The following ARMC8 variants were observed in gnomAD, a reference collection of about 807,000 sequenced individuals.
ARMC8 encodes the protein armadillo repeat-containing protein 8.
Under a neutral mutation model 99.3 loss-of-function variants are expected in ARMC8, and 20 were observed. The observed-to-expected ratio is 0.20, with a 90% CI of 0.14 to 0.29. The LOEUF (loss-of-function observed/expected upper bound fraction) is 0.29, where lower values mean the gene tolerates loss of function less well. Ranked by LOEUF, ARMC8 falls within the 10% of genes least tolerant of loss-of-function variation. The pLI, the probability that ARMC8 is intolerant of heterozygous loss-of-function variation, is 1.00. For missense variants in ARMC8, 569 were observed against 809.5 expected (o/e 0.70, Z 3.60); for synonymous variants, 263 against 278.3 (o/e 0.95, Z 0.55).
intron 16 of ARMC8, among the ~76,000 whole-genome samples, chr3:138,270,926 G>A (rs1412045128): frequency 1.3e-5 from 2 of 152,184 alleles, no homozygotes; most frequent in Non-Finnish European, 2.9e-5. Flanking sequence ...CAGACACTAA[G>A]CTGGGCGTTT....
Position 138,241,992 on chromosome 3 carries a change from T to C in ARMC8, c.1038+9T>C, listed in dbSNP as rs1239301365. On this transcript the variant is annotated intron_variant, in intron 11 of 21. Transcript: ENST00000469044. ...TCACTGATATTAAAAGGGTATGTTA[T>C]TTTCCTTTTTTAGCAGCTCAAGGGA... The C allele has an allele frequency of 6.2e-7, 1 of 1,611,874 alleles. No individual in the cohort carries two copies. The highest frequency in any genetic ancestry group is 1.7e-5 in the Admixed American group (1 of 60,020).
chr3:138,194,986 A>G (rs890572087), intron 1 of ARMC8, among the ~76,000 whole-genome samples: 4 of 152,102 alleles, frequency 2.6e-5, no homozygotes, highest in African/African-American at 9.7e-5. Context: ...TAAATTCATC[A>G]GTAAATCGCC....
At chr3:138,188,662 C>G (rs2043209449) in intron 1 of ARMC8, 2 of 1,212,566 alleles carry the variant, frequency 1.6e-6, no homozygotes, top group Non-Finnish European at 1.2e-6. Context: ...TGTCGGGTTC[C>G]TAGAGTCTTG....
chr3:138,282,558 A>T (rs1052727581), intron 18 of ARMC8, among the ~76,000 whole-genome samples: 39 of 147,656 alleles, frequency 2.6e-4, no homozygotes, highest in East Asian at 2.2e-3. Context: ...GGCAGGGAGC[A>T]TTGCTTGAAC....
chr3:138,191,680 C>T (rs1332932813), intron 1 of ARMC8, among the ~76,000 whole-genome samples: 1 of 152,208 alleles, frequency 6.6e-6, no homozygotes. Flanking sequence ...GTATCCCTAA[C>T]CCCTGGCAAC....
At chr3:138,238,764 G>A (rs879760762) in intron 9 of ARMC8, 1 of 152,132 alleles carries the variant, frequency 6.6e-6, no homozygotes, top group Admixed American at 6.5e-5. Flanking sequence ...TTCGGTAGAA[G>A]CCAACGTGAG....
At chr3:138,192,491 A>G (rs2043451647) in intron 1 of ARMC8, among the ~76,000 whole-genome samples, 2 of 151,942 alleles carry the variant, frequency 1.3e-5, no homozygotes, top group Admixed American at 6.6e-5. Flanking sequence ...GTTAGCCAGG[A>G]TAGTCTCAAT....
At chr3:138,273,755 A>G (rs1017877108) in intron 17 of ARMC8, among the ~76,000 whole-genome samples, 1 of 151,696 alleles carries the variant, frequency 6.6e-6, no homozygotes, top group Admixed American at 6.6e-5. Flanking sequence ...GTATTAGGAA[A>G]TCTACACTGT....
chr3:138,215,971 C>T (rs2045010516), intron 2 of ARMC8, among the ~76,000 whole-genome samples: 1 of 151,766 alleles, frequency 6.6e-6, no homozygotes, highest in Non-Finnish European at 1.5e-5. Flanking sequence ...AGCAATTCTC[C>T]TGCCTCAGCC....
chr3:138,293,268 G>A (rs764996383), intron 21 of ARMC8, among the ~76,000 whole-genome samples: 3 of 152,196 alleles, frequency 2.0e-5, no homozygotes, highest in South Asian at 2.1e-4. Context: ...TAGGCTGGGC[G>A]CGGTGGCTCA....
At chr3:138,191,515 T>C (rs2043381364) in intron 1 of ARMC8, among the ~76,000 whole-genome samples, 1 of 152,182 alleles carries the variant, frequency 6.6e-6, no homozygotes, top group Admixed American at 6.5e-5. Flanking sequence ...TTGATCTTGG[T>C]ATAAGTATGT....
intron 12 of ARMC8, among the ~76,000 whole-genome samples, chr3:138,253,558 T>TA (rs1423873859): frequency 6.6e-6 from 1 of 152,166 alleles, no homozygotes; most frequent in Non-Finnish European, 1.5e-5. Context: ...ATGATTAGCC[T>TA]AAAAAAATAC....
At chr3:138,192,611 C>T (rs1241574171) in intron 1 of ARMC8, among the ~76,000 whole-genome samples, 1 of 151,872 alleles carries the variant, frequency 6.6e-6, no homozygotes, top group Non-Finnish European at 1.5e-5. Flanking sequence ...AGTGCTATGG[C>T]GTGATCTCAG....
intron 2 of ARMC8, among the ~76,000 whole-genome samples, chr3:138,218,860 C>G (rs1315284029): frequency 1.3e-5 from 2 of 152,076 alleles, no homozygotes; most frequent in Non-Finnish European, 2.9e-5. Context: ...AGATGACATT[C>G]TTTTGGTCTA....
intron 14 of ARMC8, among the ~76,000 whole-genome samples, chr3:138,264,513 C>T (rs542052905): frequency 2.0e-4 from 30 of 148,638 alleles, no homozygotes; most frequent in African/African-American, 5.2e-4. Context: ...TCCACCTCCC[C>T]GGTTCAAGCG....
intron 14 of ARMC8, among the ~76,000 whole-genome samples, chr3:138,265,339 CCT>C (rs2048176540): frequency 6.6e-6 from 1 of 152,150 alleles, no homozygotes; most frequent in African/African-American, 2.4e-5. Flanking sequence ...AATGTTATCC[CCT>C]GATACACTAC....
At chr3:138,195,226 C>G (rs930497937) in intron 1 of ARMC8, among the ~76,000 whole-genome samples, 1 of 149,312 alleles carries the variant, frequency 6.7e-6, no homozygotes, top group Non-Finnish European at 1.5e-5. Flanking sequence ...TGCAGTGAGC[C>G]GAGATTGCGC....
chr3:138,242,070 A>T (rs2108177045), intron 11 of ARMC8, 87 bp downstream of exon 11: 10 of 1,048,926 alleles, frequency 9.5e-6, no homozygotes, highest in Middle Eastern at 2.1e-4. Flanking sequence ...ATTGATAACT[A>T]CAGCTTAAAG....
intron 6 of ARMC8, among the ~76,000 whole-genome samples, chr3:138,232,799 T>C (rs1439511659): frequency 6.6e-6 from 1 of 152,226 alleles, no homozygotes; most frequent in Non-Finnish European, 1.5e-5. Context: ...TCTTGAAACA[T>C]ATAATCTATT....
Sources: gnomAD v4.1 joint callset for allele counts (sites outside exome capture counted in the v4.1 genomes callset) on GRCh38, gnomAD v4.1.1 for gene constraint, MANE v1.5 for transcripts, NCBI Gene and HGNC (gene_info 2026-07-23, HGNC 2026-07-21) for gene names.